The following SCP2 variants were observed in gnomAD, a reference collection of about 807,000 sequenced individuals.
SCP2 encodes SCP-2/3-oxoacyl-CoA thiolase.
SCP2 carries 48 observed loss-of-function variants against 71.4 expected under a neutral mutation model. The ratio of observed to expected loss-of-function variants is 0.67; its 90% confidence interval spans 0.53 to 0.86. The LOEUF is 0.86. SCP2 is among the 40% of genes least tolerant of loss of function. The probability of loss-of-function intolerance (pLI) is 0.00; values close to 1 mark genes in which losing one functional copy is unlikely to be tolerated. For synonymous variants in SCP2, 220 were observed against 218.1 expected (o/e 1.01, Z -0.08); for missense variants, 560 against 655.6 (o/e 0.85, Z 1.59).
chr1:53,049,859 G>T (rs1411991898), intron 15 of SCP2: 1 of 152,180 alleles, frequency 6.6e-6, no homozygotes, highest in Non-Finnish European at 1.5e-5. Flanking sequence ...TTAATGTACT[G>T]TTAAAAACCT....
At position 52,950,946 on chromosome 1, in the gene SCP2, G is replaced by A. The variant is rs992741019; in HGVS notation, c.331+60G>A. 9 of 1,500,670 alleles carry A rather than the reference G, an allele frequency of 6.0e-6. No homozygotes were observed. The African/African-American group carries it at 6.9e-5, about 11-fold the overall frequency. 93.0% of individuals were successfully genotyped at this position (1,500,670 alleles called of 1,614,324 possible). ...CCCCATTTTAATCATTTAATCACAC[G>A]ACCATCAGAGGAATTATTTTATAAT... On this transcript the variant is annotated intron_variant, in intron 4 of 15. Transcript: ENST00000371514.
intron 14 of SCP2, among the ~76,000 whole-genome samples, chr1:53,047,296 A>T (rs1444994664): frequency 6.6e-6 from 1 of 152,230 alleles, no homozygotes; most frequent in African/African-American, 2.4e-5. Context: ...CAAAATGACA[A>T]GAGTGACATC....
intron 5 of SCP2, among the ~76,000 whole-genome samples, chr1:52,959,790 A>G (rs1453599235): frequency 6.6e-6 from 1 of 151,494 alleles, no homozygotes; most frequent in Non-Finnish European, 1.5e-5. Flanking sequence ...GGTGTTGGTA[A>G]TTTTTATCTT....
chr1:52,950,931 A>T, intron 4 of SCP2, 45 bp downstream of exon 4: 1 of 1,566,794 alleles, frequency 6.4e-7, no homozygotes, highest in South Asian at 1.1e-5. Flanking sequence ...CCCCATTTTA[A>T]TCATTTAATC....
chr1:52,991,474 C>T (rs941222010), intron 11 of SCP2, among the ~76,000 whole-genome samples: 3 of 151,602 alleles, frequency 2.0e-5, no homozygotes, highest in Non-Finnish European at 4.4e-5. Context: ...GATCTTGGCT[C>T]ACTGCAACCT....
At chr1:53,006,093 G>T (rs1458957282) in intron 11 of SCP2, among the ~76,000 whole-genome samples, 1 of 152,152 alleles carries the variant, frequency 6.6e-6, no homozygotes, top group Admixed American at 6.5e-5. Context: ...AGAATAAAAA[G>T]AAATGAACAA....
At chr1:52,929,601 T>C (rs571184387) in intron 1 of SCP2, among the ~76,000 whole-genome samples, 2 of 151,904 alleles carry the variant, frequency 1.3e-5, no homozygotes, top group East Asian at 3.9e-4. Context: ...TGTGCCACCA[T>C]GCCCAGCTAC....
chr1:52,939,475 A>G (rs1177044996), intron 1 of SCP2, among the ~76,000 whole-genome samples: 1 of 152,044 alleles, frequency 6.6e-6, no homozygotes, highest in Non-Finnish European at 1.5e-5. Flanking sequence ...GAGCCCGGGA[A>G]GTTGAAGCTG....
chr1:52,959,943 G>A (rs1008569551), intron 5 of SCP2, among the ~76,000 whole-genome samples: 5 of 151,152 alleles, frequency 3.3e-5, no homozygotes, highest in African/African-American at 4.9e-5. Flanking sequence ...CCAGGCTGGA[G>A]TGCAATGGCA....
At chr1:53,023,392 A>C (rs1661887427) in intron 12 of SCP2, among the ~76,000 whole-genome samples, 1 of 152,184 alleles carries the variant, frequency 6.6e-6, no homozygotes, top group Non-Finnish European at 1.5e-5. Flanking sequence ...TCACATATTC[A>C]GACTTTTGAC....
At chr1:52,987,399 T>C (rs1163031289) in intron 10 of SCP2, among the ~76,000 whole-genome samples, 1 of 152,188 alleles carries the variant, frequency 6.6e-6, no homozygotes, top group East Asian at 1.9e-4. Context: ...TCTTATTACT[T>C]TATCGTAAAT....
chr1:53,021,004 A>G lies in SCP2; in HGVS notation c.1235+5961A>G, dbSNP rs191210289. Among the ~76,000 whole-genome samples, 317 of 152,208 alleles carry G rather than the reference A, an allele frequency of 2.1e-3. 7 individuals are homozygous for G. In the South Asian group the frequency reaches 0.048, roughly 23 times the overall value. On this transcript the variant is annotated intron_variant, in intron 12 of 15. Coordinates refer to ENST00000371514, the MANE Select transcript of SCP2 (RefSeq NM_002979.5). ...ATAATCTTCCCAAACACTAAGAATA[A>G]CAGCAACCACTTTTTTTTTTAGACA... is the stretch of plus-strand genomic sequence containing the variant.
At chr1:52,928,243 C>T (rs544099384) in intron 1 of SCP2, among the ~76,000 whole-genome samples, 1 of 152,378 alleles carries the variant, frequency 6.6e-6, no homozygotes, top group Admixed American at 6.5e-5. Context: ...AGTACTAAAG[C>T]TCATAGGCGT....
At chr1:52,939,596 A>G (rs564048408) in intron 1 of SCP2, among the ~76,000 whole-genome samples, 2 of 152,324 alleles carry the variant, frequency 1.3e-5, no homozygotes, top group South Asian at 4.2e-4. Flanking sequence ...TTTTATATGG[A>G]CATAAGTTTT....
rs540121106 is a variant in SCP2, at chr1:52,929,359, A to C, written c.69+1894A>C. On this transcript the variant is annotated intron_variant, in intron 1 of 15. Coordinates refer to ENST00000371514, the MANE Select transcript of SCP2 (RefSeq NM_002979.5). ...TACCATACCTGGCTAATTAAAAAAAAATTTTTTTTGTAGAGACAGGGTCTC... is the reference window on the plus strand; with the variant it reads ...TACCATACCTGGCTAATTAAAAAAACATTTTTTTTGTAGAGACAGGGTCTC... Among the ~76,000 whole-genome samples, 1,199 of 152,040 alleles carry C rather than the reference A, an allele frequency of 7.9e-3. 12 individuals are homozygous for C. The highest frequency in any genetic ancestry group is 0.026 in the African/African-American group (1,086 of 41,480).
At chr1:52,993,653 T>G in intron 11 of SCP2, 1 of 1,612,392 alleles carries the variant, frequency 6.2e-7, no homozygotes, top group Non-Finnish European at 8.5e-7. Context: ...CACACACTGC[T>G]TTGTGTAAGA....
chr1:53,037,879 T>TAC (rs34293671), intron 13 of SCP2, among the ~76,000 whole-genome samples: 9,716 of 84,308 alleles, frequency 0.12, 672 homozygotes, highest in Non-Finnish European at 0.16. Flanking sequence ...TGTCTCTACA[T>TAC]ACACACACAC....
At position 52,978,865 on chromosome 1, in the gene SCP2, A is replaced by G. The variant is rs79392675; in HGVS notation, c.825+498A>G. Among the ~76,000 whole-genome samples, 1,040 of 152,238 alleles carry G rather than the reference A, an allele frequency of 6.8e-3. 9 individuals carry two copies. The highest frequency in any genetic ancestry group is 0.068 in the Middle Eastern group (20 of 294). On this transcript the variant is annotated intron_variant, in intron 9 of 15. Transcript: ENST00000371514. ...GCGTGAATCACCACACACTGCCACA[A>G]AGATGATTTTAATGAACTTTCTTGA...
chr1:52,950,676 G>GA (rs1319555973), intron 3 of SCP2, 79 bp from the exon 4 acceptor site: 126 of 1,196,976 alleles, frequency 1.1e-4, no homozygotes, highest in Non-Finnish European at 1.5e-4. Flanking sequence ...GTATAATATT[G>GA]AAAAAACCCA....
Sources: gnomAD v4.1 joint callset for allele counts (sites outside exome capture counted in the v4.1 genomes callset) on GRCh38, gnomAD v4.1.1 for gene constraint, MANE v1.5 for transcripts, NCBI Gene and HGNC (gene_info 2026-07-23, HGNC 2026-07-21) for gene names.